LRRC4C: variants seen among roughly 807,000 people sequenced by gnomAD.
LRRC4C encodes the protein leucine-rich repeat-containing protein 4C.
LRRC4C carries 5 observed loss-of-function variants against 33.6 expected under a neutral mutation model. The ratio of observed to expected loss-of-function variants is 0.15; its 90% CI spans 0.08 to 0.31. The LOEUF is 0.31. LRRC4C is among the 10% of genes least tolerant of loss of function. The pLI, the probability that LRRC4C is intolerant of heterozygous loss-of-function variation, is 1.00. For synonymous variants in LRRC4C, 329 were observed against 302.0 expected (o/e 1.09, Z -0.93); for missense variants, 560 against 796.7 (o/e 0.70, Z 3.58).
intron 1 of LRRC4C, among the ~76,000 whole-genome samples, chr11:41,232,176 C>G (rs1237277201): frequency 6.6e-6 from 1 of 152,018 alleles, no homozygotes; most frequent in Non-Finnish European, 1.5e-5. Flanking sequence ...TCCTTAGCAT[C>G]TCTACCAGAA....
At chr11:40,736,734 T>G (rs1166063091) in intron 2 of LRRC4C, among the ~76,000 whole-genome samples, 1 of 152,122 alleles carries the variant, frequency 6.6e-6, no homozygotes, top group Non-Finnish European at 1.5e-5. Flanking sequence ...TATCTCATTG[T>G]GTTTTGATTT....
chr11:41,197,385 C>A (rs1244963175), intron 1 of LRRC4C, among the ~76,000 whole-genome samples: 2 of 151,978 alleles, frequency 1.3e-5, no homozygotes, highest in African/African-American at 4.8e-5. Context: ...GCTCTGCAAC[C>A]TGGCTGGTAC....
intron 4 of LRRC4C, among the ~76,000 whole-genome samples, chr11:40,259,881 G>A (rs1444004500): frequency 3.8e-4 from 57 of 151,746 alleles, no homozygotes; most frequent in East Asian, 1.6e-3. Context: ...TTAGAATGTC[G>A]ATCATTAAAA....
intron 2 of LRRC4C, among the ~76,000 whole-genome samples, chr11:40,695,763 T>A (rs948653171): frequency 2.2e-4 from 34 of 151,996 alleles, no homozygotes; most frequent in South Asian, 2.1e-4. Context: ...CATCATTACA[T>A]CTCCTTCTCT....
intron 1 of LRRC4C, among the ~76,000 whole-genome samples, chr11:41,249,755 A>T (rs1948579509): frequency 6.6e-6 from 1 of 152,208 alleles, no homozygotes; most frequent in Admixed American, 6.5e-5. Flanking sequence ...ATCCATAGAA[A>T]ATAGCATCCC....
At chr11:40,874,441 T>C (rs375485102) in intron 2 of LRRC4C, among the ~76,000 whole-genome samples, 4 of 152,180 alleles carry the variant, frequency 2.6e-5, no homozygotes, top group African/African-American at 9.6e-5. Flanking sequence ...AAATGGACCA[T>C]GAAAAATGAG....
At chr11:40,776,332 T>G (rs867342267) in intron 2 of LRRC4C, among the ~76,000 whole-genome samples, 1 of 152,040 alleles carries the variant, frequency 6.6e-6, no homozygotes, top group African/African-American at 2.4e-5. Flanking sequence ...GTATGTCTTA[T>G]AGAATTCAGC....
intron 3 of LRRC4C, among the ~76,000 whole-genome samples, chr11:40,419,491 A>G (rs1950447050): frequency 6.6e-6 from 1 of 152,192 alleles, no homozygotes; most frequent in Non-Finnish European, 1.5e-5. Flanking sequence ...AGATAGTGGA[A>G]CAACATATTT....
chr11:40,743,209 A>C (rs1479308898), intron 2 of LRRC4C, among the ~76,000 whole-genome samples: 1 of 152,110 alleles, frequency 6.6e-6, no homozygotes, highest in Non-Finnish European at 1.5e-5. Flanking sequence ...ATCAACAGTG[A>C]AAGCATGCAT....
chr11:41,150,110 C>A (rs1471442499), intron 1 of LRRC4C, among the ~76,000 whole-genome samples: 2 of 152,148 alleles, frequency 1.3e-5, no homozygotes, highest in African/African-American at 4.8e-5. Flanking sequence ...CTTTCCCTTA[C>A]TCTTGTGACC....
chr11:40,448,634 T>C (rs1951749011), intron 3 of LRRC4C, among the ~76,000 whole-genome samples: 1 of 152,238 alleles, frequency 6.6e-6, no homozygotes, highest in Admixed American at 6.5e-5. Flanking sequence ...CCACAGTTTT[T>C]TATCCAGTTT....
chr11:40,254,934 A>C (rs1867081756), intron 4 of LRRC4C, among the ~76,000 whole-genome samples: 1 of 152,124 alleles, frequency 6.6e-6, no homozygotes, highest in South Asian at 2.1e-4. Context: ...TCAGCCTCTC[A>C]AGTAGTTGAG....
At chr11:40,188,547 T>C (rs1050868844) in intron 5 of LRRC4C, among the ~76,000 whole-genome samples, 4 of 152,220 alleles carry the variant, frequency 2.6e-5, no homozygotes, top group African/African-American at 9.7e-5. Context: ...CATGCATACT[T>C]TCATTGTTAT....
intron 2 of LRRC4C, among the ~76,000 whole-genome samples, chr11:40,814,085 T>G (rs10837506): frequency 0.89 from 135,080 of 151,836 alleles, 60,384 homozygotes; most frequent in East Asian, 1. Flanking sequence ...ACTAGGCAGT[T>G]TCTCCATTGC....
intron 5 of LRRC4C, among the ~76,000 whole-genome samples, chr11:40,213,335 G>T (rs1590726920): frequency 6.6e-6 from 1 of 152,084 alleles, no homozygotes; most frequent in African/African-American, 2.4e-5. Flanking sequence ...TAACATGATG[G>T]CACTGAGTAT....
intron 1 of LRRC4C, among the ~76,000 whole-genome samples, chr11:41,450,194 G>A (rs1435266103): frequency 2.6e-5 from 4 of 152,180 alleles, no homozygotes; most frequent in Admixed American, 6.5e-5. Context: ...TGGACCATCT[G>A]TCTGTCCGAC....
intron 1 of LRRC4C, among the ~76,000 whole-genome samples, chr11:41,242,803 A>G (rs116557452): frequency 1.1e-4 from 17 of 152,278 alleles, no homozygotes; most frequent in African/African-American, 4.1e-4. Context: ...ACCAATTCCA[A>G]TTATGGAAAT....
chr11:40,433,021 A>C (rs2137874254), intron 3 of LRRC4C, among the ~76,000 whole-genome samples: 1 of 152,310 alleles, frequency 6.6e-6, no homozygotes, highest in South Asian at 2.1e-4. Context: ...TAATGAATAA[A>C]GTCATAATAC....
chr11:40,345,336 G>A (rs910557216), intron 3 of LRRC4C, among the ~76,000 whole-genome samples: 3 of 151,978 alleles, frequency 2.0e-5, no homozygotes, highest in African/African-American at 4.8e-5. Context: ...GCATGATACT[G>A]GTACAAAAAC....
Sources: gnomAD v4.1 joint callset for allele counts (sites outside exome capture counted in the v4.1 genomes callset) on GRCh38, gnomAD v4.1.1 for gene constraint, MANE v1.5 for transcripts, NCBI Gene and HGNC (gene_info 2026-07-23, HGNC 2026-07-21) for gene names.